The following COMMD7 variants were observed in gnomAD, a reference collection of about 807,000 sequenced individuals.
COMMD7 encodes COMM domain-containing protein 7.
A neutral mutation model predicts 34.8 loss-of-function variants in COMMD7; 28 were observed. The ratio of observed to expected loss-of-function variants is 0.80; its 90% CI spans 0.60 to 1.10. The LOEUF is 1.10. Among genes scored for constraint, COMMD7 ranks in the 50% least tolerant of loss-of-function variants. The probability of loss-of-function intolerance (pLI) is 0.00; values close to 1 mark genes in which losing one functional copy is unlikely to be tolerated. For synonymous variants in COMMD7, 80 were observed against 86.4 expected, an observed-to-expected ratio of 0.93 and a Z score of 0.41; for missense variants, 211 against 241.6, an observed-to-expected ratio of 0.87 and a Z score of 0.84.
intron 3 of COMMD7, among the ~76,000 whole-genome samples, chr20:32,718,602 G>A (rs1984957155): frequency 6.6e-6 from 1 of 152,104 alleles, no homozygotes; most frequent in Admixed American, 6.6e-5. Flanking sequence ...GGGAGGCTGA[G>A]ACAGGAGAAT....
Position 32,711,363 on chromosome 20 carries a change from C to T in COMMD7, c.242-4603G>A, listed in dbSNP as rs377352798. Among the ~76,000 whole-genome samples the T allele has an allele frequency of 4.0e-5, 6 of 149,580 alleles. No individual in the cohort carries two copies. In the East Asian group the frequency reaches 5.9e-4, roughly 15 times the overall value. On this transcript the variant is annotated intron_variant, in intron 3 of 8. Coordinates refer to ENST00000278980, the MANE Select transcript of COMMD7 (RefSeq NM_053041.3). ...AGTGAGCCGAGATCACACCACTGCA[C>T]TCCAGCCTGGACGACGGAGTGAGAC...
chr20:32,704,305 G>T, intron 7 of COMMD7, 135 bp downstream of exon 7: 1 of 858,440 alleles, frequency 1.2e-6, no homozygotes, highest in Non-Finnish European at 1.8e-6. Flanking sequence ...TACATCTTTA[G>T]CTGGCCACAC....
At chr20:32,739,374 G>A (rs769031592) in intron 1 of COMMD7, among the ~76,000 whole-genome samples, 1 of 152,118 alleles carries the variant, frequency 6.6e-6, no homozygotes, top group Non-Finnish European at 1.5e-5. Flanking sequence ...AGCTGGGCGC[G>A]GTGTCTCACG....
chr20:32,725,604 A>G (rs1985463276), intron 3 of COMMD7, among the ~76,000 whole-genome samples: 1 of 151,648 alleles, frequency 6.6e-6, no homozygotes, highest in East Asian at 1.9e-4. Context: ...AATTTTTTGT[A>G]TTTTTAGTAG....
intron 1 of COMMD7, among the ~76,000 whole-genome samples, chr20:32,741,613 T>A (rs1200780766): frequency 2.6e-5 from 4 of 152,038 alleles, no homozygotes; most frequent in African/African-American, 9.7e-5. Flanking sequence ...ATGGTCTCGA[T>A]CTCCTGACCT....
At position 32,721,237 on chromosome 20, in the gene COMMD7, C is replaced by A. The variant is rs565721840; in HGVS notation, c.241+6656G>T. 1.1e-4 allele frequency among the ~76,000 whole-genome samples: 17 copies of A among 152,220 alleles called. No individual in the cohort carries two copies. In the East Asian group the frequency reaches 3.3e-3, roughly 29 times the overall value. ...CTGTAATCCCAGCACTTTCAAACTCCAAGGCAGGAGGACTGCTTGGGCCCA... is the reference window on the plus strand; with the variant it reads ...CTGTAATCCCAGCACTTTCAAACTCAAAGGCAGGAGGACTGCTTGGGCCCA... On this transcript the variant is annotated intron_variant, in intron 3 of 8. Transcript: ENST00000278980.
At chr20:32,726,996 CA>C (rs1985545849) in intron 3 of COMMD7, among the ~76,000 whole-genome samples, 1 of 151,734 alleles carries the variant, frequency 6.6e-6, no homozygotes, top group East Asian at 1.9e-4. Context: ...TTTGGGAGGC[CA>C]AGGCAGGAGG....
At chr20:32,704,977 G>A (rs774758288) in intron 5 of COMMD7, 73 bp from the exon 6 acceptor site, 6 of 1,061,732 alleles carry the variant, frequency 5.7e-6, no homozygotes, top group Non-Finnish European at 8.7e-6. Context: ...CCTAAACATT[G>A]CAATATTTAG....
chr20:32,718,604 C>A (rs1482839352), intron 3 of COMMD7, among the ~76,000 whole-genome samples: 2 of 152,074 alleles, frequency 1.3e-5, no homozygotes, highest in Non-Finnish European at 2.9e-5. Flanking sequence ...GAGGCTGAGA[C>A]AGGAGAATCG....
At chr20:32,732,911 G>A (rs1366085003) in intron 1 of COMMD7, among the ~76,000 whole-genome samples, 3 of 151,890 alleles carry the variant, frequency 2.0e-5, no homozygotes, top group Non-Finnish European at 4.4e-5. Flanking sequence ...ACTCCAGCCT[G>A]GGCGACAGAG....
chr20:32,711,407 A>T (rs28537182), intron 3 of COMMD7, among the ~76,000 whole-genome samples: 44 of 145,486 alleles, frequency 3.0e-4, no homozygotes, highest in Non-Finnish European at 3.6e-4. Context: ...AAAAAAAAAA[A>T]TGTTACTTAA....
At chr20:32,713,385 C>T (rs111641644) in intron 3 of COMMD7, among the ~76,000 whole-genome samples, 31 of 152,334 alleles carry the variant, frequency 2.0e-4, no homozygotes, top group Middle Eastern at 3.4e-3. Context: ...GCTGCCTTAG[C>T]CAAACCCTCA....
intron 3 of COMMD7, among the ~76,000 whole-genome samples, chr20:32,715,793 C>T (rs1477940857): frequency 4.0e-5 from 6 of 151,718 alleles, no homozygotes; most frequent in East Asian, 3.9e-4. Flanking sequence ...GGTGACAGAG[C>T]GAGATTCTGT....
rs1049420729 is a variant in COMMD7, at chr20:32,703,646, GA to G, written c.527-189del. 9.1e-6 allele frequency: 13 copies of G among 1,427,410 alleles called. 1 individual carries two copies. The Admixed American group carries it at 2.0e-4, about 22-fold the overall frequency. The allele number at this position is 1,427,410 out of a possible 1,614,324, so 88.4% of individuals were successfully genotyped here. On this transcript the variant is annotated intron_variant, in intron 8 of 8. Coordinates refer to ENST00000278980, the MANE Select transcript of COMMD7 (RefSeq NM_053041.3). The stretch of plus-strand genomic sequence containing the variant: ...ATGCAGAAGGTTCTCTGCTCCAAAG[GA>G]AAAAAAAGGGGAGTGAGTGTTCAAA...
Position 32,743,369 on chromosome 20 carries a change from T to TCAGTG in COMMD7, c.18_22dup (p.Glu8AlafsTer17). The TCAGTG allele has an allele frequency of 6.6e-7, 1 of 1,507,496 alleles. No homozygotes were observed. Among genetic ancestry groups the TCAGTG allele is most frequent in the Non-Finnish European group, 8.8e-7 (1 of 1,134,706 alleles). The allele number at this position is 1,507,496 out of a possible 1,614,324, so 93.4% of individuals were successfully genotyped here. ...GCCCACGGCCTCCGGCACCGGGTCC[T>TCAGTG]CAGTGCAGTGCAGGCGGCCCATGGC... On this transcript the variant is annotated frameshift_variant, in exon 1 of 9. Transcript: ENST00000278980. LOFTEE classifies it high-confidence loss of function.
intron 1 of COMMD7, among the ~76,000 whole-genome samples, chr20:32,739,644 CAAAAAAAAAA>C (rs1176056154): frequency 1.8e-5 from 1 of 56,018 alleles, no homozygotes; most frequent in Non-Finnish European, 3.3e-5. Context: ...GGCTCTGTAT[CAAAAAAAAAA>C]AAAAAAAAAA....
intron 1 of COMMD7, among the ~76,000 whole-genome samples, chr20:32,737,181 C>CA (rs376946755): frequency 1.8e-4 from 27 of 148,376 alleles, no homozygotes; most frequent in South Asian, 1.1e-3. Flanking sequence ...GACTCCATCT[C>CA]AAAAAAAAAG....
intron 1 of COMMD7, among the ~76,000 whole-genome samples, chr20:32,741,583 G>A (rs900488769): frequency 6.6e-6 from 1 of 152,064 alleles, no homozygotes; most frequent in Non-Finnish European, 1.5e-5. Flanking sequence ...TAGAGACAGG[G>A]TTTCATCATG....
intron 3 of COMMD7, among the ~76,000 whole-genome samples, chr20:32,710,061 T>C (rs1264170338): frequency 1.3e-5 from 2 of 151,734 alleles, no homozygotes; most frequent in East Asian, 3.9e-4. Context: ...AATTTTTTTT[T>C]CTAGAGATAG....
Sources: allele counts gnomAD v4.1 joint callset (sites outside exome capture counted in the v4.1 genomes callset), GRCh38; gene constraint gnomAD v4.1.1; transcripts MANE v1.5; gene names NCBI Gene and HGNC (gene_info 2026-07-23, HGNC 2026-07-21).